Variants in NELL1 observed in about 807,000 individuals in gnomAD.
NELL1 encodes protein kinase C-binding protein NELL1.
In NELL1, 76 loss-of-function variants were observed where a neutral mutation model predicts 107.4. That is an observed-to-expected ratio of 0.71 (90% CI 0.59 to 0.86). The LOEUF (loss-of-function observed/expected upper bound fraction) is 0.86, where lower values mean the gene tolerates loss of function less well. Among genes scored for constraint, NELL1 ranks in the 40% least tolerant of loss-of-function variants. The pLI, the probability that NELL1 is intolerant of heterozygous loss-of-function variation, is 0.00. For missense variants in NELL1, 1,024 were observed against 1,005.5 expected, an observed-to-expected ratio of 1.02 and a Z score of -0.25; for synonymous variants, 353 against 341.2, an observed-to-expected ratio of 1.03 and a Z score of -0.38.
At chr11:21,306,726 A>G (rs1030347432) in intron 14 of NELL1, among the ~76,000 whole-genome samples, 15 of 152,076 alleles carry the variant, frequency 9.9e-5, no homozygotes, top group African/African-American at 2.2e-4. Context: ...TGCCAGATCA[A>G]GGTACACGGA....
chr11:21,383,501 C>A (rs572597829), intron 15 of NELL1, among the ~76,000 whole-genome samples: 1 of 151,848 alleles, frequency 6.6e-6, no homozygotes, highest in African/African-American at 2.4e-5. Context: ...AATTGGGCCT[C>A]TTCCTACCTC....
chr11:20,814,861 T>C (rs1483394250), intron 3 of NELL1, among the ~76,000 whole-genome samples: 1 of 152,226 alleles, frequency 6.6e-6, no homozygotes, highest in Non-Finnish European at 1.5e-5. Context: ...TTTTAGGTTT[T>C]TTGAGAAATC....
At chr11:21,267,419 A>G (rs1848656197) in intron 14 of NELL1, among the ~76,000 whole-genome samples, 1 of 152,146 alleles carries the variant, frequency 6.6e-6, no homozygotes. Context: ...TAGATTAACC[A>G]TATATGCATT....
At chr11:20,900,707 A>G (rs1406171879) in intron 5 of NELL1, among the ~76,000 whole-genome samples, 5 of 152,170 alleles carry the variant, frequency 3.3e-5, no homozygotes, top group African/African-American at 1.2e-4. Flanking sequence ...GATTAGATTA[A>G]AAAATTTAAA....
chr11:20,937,327 C>T (rs1350486803), intron 9 of NELL1, among the ~76,000 whole-genome samples: 1 of 152,286 alleles, frequency 6.6e-6, no homozygotes, highest in South Asian at 2.1e-4. Flanking sequence ...CACGCCCACT[C>T]CCATGATCAC....
At chr11:20,908,743 C>A (rs1050686697) in intron 5 of NELL1, among the ~76,000 whole-genome samples, 2 of 152,014 alleles carry the variant, frequency 1.3e-5, no homozygotes, top group African/African-American at 4.8e-5. Flanking sequence ...AATAAAATCA[C>A]GCAGCTGCTG....
chr11:21,384,852 G>A (rs942269842), intron 15 of NELL1, among the ~76,000 whole-genome samples: 1 of 151,896 alleles, frequency 6.6e-6, no homozygotes, highest in African/African-American at 2.4e-5. Flanking sequence ...ATCATTGTTG[G>A]ACATTTGGGT....
intron 14 of NELL1, among the ~76,000 whole-genome samples, chr11:21,269,013 A>G (rs976257083): frequency 6.6e-6 from 1 of 152,186 alleles, no homozygotes; most frequent in East Asian, 1.9e-4. Context: ...GACATGAAAA[A>G]TGCCTTTTTT....
chr11:21,535,966 A>T (rs1212806710), intron 16 of NELL1, among the ~76,000 whole-genome samples: 1 of 152,196 alleles, frequency 6.6e-6, no homozygotes, highest in Admixed American at 6.5e-5. Context: ...TGGAATATTA[A>T]CATATGACAT....
intron 13 of NELL1, among the ~76,000 whole-genome samples, chr11:21,133,320 G>A (rs997928181): frequency 1.3e-5 from 2 of 152,136 alleles, no homozygotes; most frequent in African/African-American, 4.8e-5. Flanking sequence ...ATAAAGCACC[G>A]AAAGTTTTCA....
At chr11:20,761,959 A>C (rs939884034) in intron 2 of NELL1, among the ~76,000 whole-genome samples, 28 of 152,236 alleles carry the variant, frequency 1.8e-4, no homozygotes, top group African/African-American at 6.3e-4. Context: ...TTTGCTAAGA[A>C]AAGGAAACTT....
At chr11:20,981,972 C>CTCTCTCTCTT (rs1419794203) in intron 12 of NELL1, among the ~76,000 whole-genome samples, 2 of 151,988 alleles carry the variant, frequency 1.3e-5, no homozygotes, top group Admixed American at 6.6e-5. Flanking sequence ...CTCTCTCTCT[C>CTCTCTCTCTT]TCTCTCTCTT....
intron 16 of NELL1, among the ~76,000 whole-genome samples, chr11:21,535,120 T>C (rs932794086): frequency 2.5e-4 from 38 of 152,214 alleles, no homozygotes; most frequent in African/African-American, 8.7e-4. Context: ...TTGAAAAGTC[T>C]GCTTTATTGG....
chr11:21,361,809 A>C (rs546679617), intron 14 of NELL1, among the ~76,000 whole-genome samples: 1 of 152,002 alleles, frequency 6.6e-6, no homozygotes, highest in African/African-American at 2.4e-5. Context: ...GTATTTCTCT[A>C]AGTATTCCTT....
chr11:21,508,756 T>C (rs1242966917), intron 15 of NELL1, among the ~76,000 whole-genome samples: 2 of 151,348 alleles, frequency 1.3e-5, no homozygotes, highest in Non-Finnish European at 2.9e-5. Flanking sequence ...AAGAATCATC[T>C]CAAATAGAAA....
intron 15 of NELL1, among the ~76,000 whole-genome samples, chr11:21,374,159 A>G (rs969161074): frequency 6.6e-6 from 1 of 152,202 alleles, no homozygotes; most frequent in African/African-American, 2.4e-5. Flanking sequence ...TAAGTTTTCT[A>G]TTTGGTACTT....
chr11:20,900,155 A>C (rs558831012), intron 5 of NELL1, among the ~76,000 whole-genome samples: 2 of 152,246 alleles, frequency 1.3e-5, no homozygotes, highest in East Asian at 3.9e-4. Context: ...TAGGCCTTGA[A>C]TGGCCTTAGC....
At chr11:20,837,976 C>T (rs1248192523) in intron 3 of NELL1, among the ~76,000 whole-genome samples, 2 of 151,972 alleles carry the variant, frequency 1.3e-5, no homozygotes, top group African/African-American at 2.4e-5. Context: ...GGGTGTCTTC[C>T]TTCCAAAGAG....
At chr11:21,242,686 A>C (rs1434386875) in intron 14 of NELL1, among the ~76,000 whole-genome samples, 1 of 149,332 alleles carries the variant, frequency 6.7e-6, no homozygotes, top group Non-Finnish European at 1.5e-5. Flanking sequence ...CAGAGTTTAA[A>C]TAACTCTCTG....
Sources: allele counts gnomAD v4.1 joint callset (sites outside exome capture counted in the v4.1 genomes callset), GRCh38; gene constraint gnomAD v4.1.1; transcripts MANE v1.5; gene names NCBI Gene and HGNC (gene_info 2026-07-23, HGNC 2026-07-21).